The following CREB5 variants were observed in gnomAD, a reference collection of about 807,000 sequenced individuals.
CREB5 encodes cAMP responsive element binding protein 5.
In CREB5, 19 loss-of-function variants were observed where a neutral mutation model predicts 57.1. That is an observed-to-expected ratio of 0.33 (90% CI 0.23 to 0.49). The LOEUF (loss-of-function observed/expected upper bound fraction) is 0.49, where lower values mean the gene tolerates loss of function less well. CREB5 is among the 20% of genes least tolerant of loss of function. The probability of loss-of-function intolerance (pLI) is 0.99; values close to 1 mark genes in which losing one functional copy is unlikely to be tolerated. For synonymous variants in CREB5, 238 were observed against 238.3 expected, an observed-to-expected ratio of 1.00 and a Z score of 0.01; for missense variants, 579 against 671.6, an observed-to-expected ratio of 0.86 and a Z score of 1.52.
intron 6 of CREB5, among the ~76,000 whole-genome samples, chr7:28,723,557 C>T (rs761554291): frequency 1.3e-5 from 2 of 152,116 alleles, no homozygotes; most frequent in African/African-American, 2.4e-5. Flanking sequence ...ACTGCAGCTG[C>T]GTAGAGTAGC....
chr7:28,640,875 G>A (rs921842538), intron 5 of CREB5, among the ~76,000 whole-genome samples: 3 of 152,184 alleles, frequency 2.0e-5, no homozygotes, highest in African/African-American at 7.2e-5. Context: ...GCATGCCCCT[G>A]AGAAGGAGTT....
Position 28,583,969 on chromosome 7 carries a change from C to T in CREB5, c.464+13432C>T, listed in dbSNP as rs567870144. ...CTGGGATTACAGGAGTGAGCCACCG[C>T]GCTGGGCACAGCCTCCACCTTCAAC... is the stretch of plus-strand genomic sequence containing the variant. On this transcript the variant is annotated intron_variant, in intron 5 of 10. Coordinates refer to ENST00000357727, the MANE Select transcript of CREB5 (RefSeq NM_182898.4). Among the ~76,000 whole-genome samples, 6 of 152,254 alleles carry T rather than the reference C, an allele frequency of 3.9e-5. No individual in the cohort carries two copies. The East Asian group carries it at 5.8e-4, about 15-fold the overall frequency.
rs1163947831 is a variant in CREB5, at chr7:28,507,704, C to T, written c.258C>T (p.Phe86=). Residue 86 remains phenylalanine (F), a synonymous_variant, in exon 4 of 11, where the codon TTC becomes TTT. Coordinates refer to ENST00000357727, the MANE Select transcript of CREB5 (RefSeq NM_182898.4). ...SELDCSLEHE[F]RKAQEEESSK... The stretch of plus-strand genomic sequence containing the variant: ...TGGACTGCTCCCTGGAGCACGAGTT[C>T]AGGAAGGCTCAGGAAGAGGAGAGCA... The T allele has an allele frequency of 2.5e-6, 4 of 1,608,204 alleles. No homozygotes were observed. In the Admixed American group the frequency reaches 6.7e-5, roughly 27 times the overall value.
chr7:28,501,338 G>T (rs1485354552), intron 3 of CREB5, among the ~76,000 whole-genome samples: 1 of 152,204 alleles, frequency 6.6e-6, no homozygotes, highest in Non-Finnish European at 1.5e-5. Flanking sequence ...ACAAAGAGTT[G>T]TGGTTTAAAA....
intron 7 of CREB5, among the ~76,000 whole-genome samples, chr7:28,751,106 C>G: frequency 6.6e-6 from 1 of 151,114 alleles, no homozygotes; most frequent in East Asian, 2.0e-4. Flanking sequence ...CAGTTTTTCC[C>G]TTTCCCCATT....
intron 8 of CREB5, among the ~76,000 whole-genome samples, chr7:28,805,816 A>G (rs1443300191): frequency 6.6e-5 from 10 of 152,198 alleles, no homozygotes; most frequent in African/African-American, 2.2e-4. Context: ...GGGCTGGGTA[A>G]TAGTAGACTA....
rs1306691465 is a variant in CREB5, at chr7:28,643,809, G to GT, written c.464+73273dup. On this transcript the variant is annotated intron_variant, in intron 5 of 10. Coordinates refer to ENST00000357727, the MANE Select transcript of CREB5 (RefSeq NM_182898.4). ...AAACCTGGAGTCCTGGCTGGGTGTG[G>GT]TGGCTCATGCCTGGAATTCCAGCAC... is the stretch of plus-strand genomic sequence containing the variant. 4.0e-5 allele frequency among the ~76,000 whole-genome samples: 6 copies of GT among 151,882 alleles called. No homozygotes were observed. In the East Asian group the frequency reaches 1.2e-3, roughly 29 times the overall value.
At chr7:28,446,127 T>A (rs1486577224) in intron 1 of CREB5, among the ~76,000 whole-genome samples, 1 of 152,178 alleles carries the variant, frequency 6.6e-6, no homozygotes, top group Non-Finnish European at 1.5e-5. Flanking sequence ...CATCGTCCCC[T>A]CCCACTTTAT....
intron 1 of CREB5, among the ~76,000 whole-genome samples, chr7:28,382,915 C>T (rs149808414): frequency 7.0e-4 from 106 of 152,066 alleles, no homozygotes; most frequent in Middle Eastern, 3.4e-3. Flanking sequence ...CAGTGAAAAT[C>T]GCCTGGCTGT....
chr7:28,560,967 T>TGC (rs1355662930), intron 4 of CREB5, among the ~76,000 whole-genome samples: 574 of 30,058 alleles, frequency 0.019, 42 homozygotes, highest in Middle Eastern at 0.077. Flanking sequence ...TGTGCGTGTG[T>TGC]GTGTGCGTGT....
At chr7:28,693,417 G>A (rs1801376823) in intron 5 of CREB5, among the ~76,000 whole-genome samples, 1 of 152,196 alleles carries the variant, frequency 6.6e-6, no homozygotes, top group Non-Finnish European at 1.5e-5. Flanking sequence ...CTGCACCCAT[G>A]TGCTGACACG....
chr7:28,792,398 G>A (rs1007227583), intron 7 of CREB5, among the ~76,000 whole-genome samples: 4 of 151,676 alleles, frequency 2.6e-5, no homozygotes, highest in Non-Finnish European at 5.9e-5. Flanking sequence ...GTATAGAAAT[G>A]CTCAATATTT....
rs147880799 is a variant in CREB5, at chr7:28,530,570, C to CAAAGT, written c.291+22834_291+22838dup. Among the ~76,000 whole-genome samples, 1,034 of 152,326 alleles carry CAAAGT rather than the reference C, an allele frequency of 6.8e-3. 15 individuals are homozygous for CAAAGT. The highest frequency in any genetic ancestry group is 0.024 in the African/African-American group (978 of 41,548). ...CCTTATTTATTTTTCCTTCTTGCTG[C>CAAAGT]AAAGTTCAATACAGATGAAGGAGCT... On this transcript the variant is annotated intron_variant, in intron 4 of 10. Transcript: ENST00000357727.
intron 8 of CREB5, 95 bp downstream of exon 8, chr7:28,804,617 A>T (rs1363646986): frequency 6.8e-7 from 1 of 1,461,878 alleles, no homozygotes; most frequent in Non-Finnish European, 9.4e-7. Context: ...CTTGTTTGAC[A>T]AGCCCAGGTG....
At position 28,560,935 on chromosome 7, in the gene CREB5, T is replaced by TGTGCGCGCGTGTGCGTGCGTGC. The variant is rs74212086; in HGVS notation, c.292-9429_292-9428insTGCGCGCGTGTGCGTGCGTGCG. Among the ~76,000 whole-genome samples, 4 of 56,258 alleles carry TGTGCGCGCGTGTGCGTGCGTGC rather than the reference T, an allele frequency of 7.1e-5. 1 individual carries two copies. The South Asian group carries it at 2.5e-3, about 36-fold the overall frequency. The allele number at this position is 56,258 out of a possible 152,430, so 36.9% of individuals were successfully genotyped here. On this transcript the variant is annotated intron_variant, in intron 4 of 10. Coordinates refer to ENST00000357727, the MANE Select transcript of CREB5 (RefSeq NM_182898.4). Reference sequence around the variant, plus strand: ...GTGTGCGTGTGTGCGCGTGCGTGTGTGCGTGCGTGTGTGTGCGTGTGTGTG... The same window carrying TGTGCGCGCGTGTGCGTGCGTGC: ...GTGTGCGTGTGTGCGCGTGCGTGTGTGTGCGCGCGTGTGCGTGCGTGCGCGTGCGTGTGTGTGCGTGTGTGTG...
intron 1 of CREB5, among the ~76,000 whole-genome samples, chr7:28,468,256 A>G (rs1790671312): frequency 6.6e-6 from 1 of 152,218 alleles, no homozygotes; most frequent in Admixed American, 6.5e-5. Flanking sequence ...CAATAGTGCC[A>G]AGCACGTTAA....
At position 28,342,644 on chromosome 7, in the gene CREB5, A is replaced by T. The variant is rs1016304966; in HGVS notation, c.-25+43203A>T. Among the ~76,000 whole-genome samples the T allele has an allele frequency of 2.0e-5, 3 of 152,214 alleles. No homozygotes were observed. The East Asian group carries it at 5.8e-4, about 29-fold the overall frequency. On this transcript the variant is annotated intron_variant, in intron 1 of 9. Transcript: ENST00000396299. The stretch of plus-strand genomic sequence containing the variant: ...CTAAAAAGTAACTCTTTGTTTCTAG[A>T]ATATCACTCCATCTCTATTTACAAC...
chr7:28,586,468 C>T (rs1181298431), intron 5 of CREB5, among the ~76,000 whole-genome samples: 4 of 152,212 alleles, frequency 2.6e-5, no homozygotes, highest in Non-Finnish European at 5.9e-5. Flanking sequence ...CCTGCCAGGC[C>T]TCTGGACAGC....
At chr7:28,493,779 A>C (rs1413189953) in intron 2 of CREB5, among the ~76,000 whole-genome samples, 2 of 152,216 alleles carry the variant, frequency 1.3e-5, no homozygotes, top group African/African-American at 4.8e-5. Flanking sequence ...ATTTTTGATA[A>C]CCATAATATC....
Sources: allele counts gnomAD v4.1 joint callset (sites outside exome capture counted in the v4.1 genomes callset), GRCh38; gene constraint gnomAD v4.1.1; transcripts MANE v1.5; gene names NCBI Gene and HGNC (gene_info 2026-07-23, HGNC 2026-07-21).